COBLL1: variants seen among roughly 807,000 people sequenced by gnomAD.
The protein encoded by COBLL1 is cordon-bleu WH2 repeat protein like 1, also known as cordon-bleu protein-like 1.
A neutral mutation model predicts 94.8 loss-of-function variants in COBLL1; 50 were observed. The observed-to-expected ratio is 0.53, with a 90% CI of 0.42 to 0.67. The LOEUF is 0.67. Among genes scored for constraint, COBLL1 ranks in the 30% least tolerant of loss-of-function variants. The pLI is 0.00. For synonymous variants in COBLL1, 448 were observed against 473.8 expected, an observed-to-expected ratio of 0.95 and a Z score of 0.71; for missense variants, 1,362 against 1,348.7, an observed-to-expected ratio of 1.01 and a Z score of -0.15.
chr2:164,803,355 G>A (rs545442979), intron 2 of COBLL1, among the ~76,000 whole-genome samples: 493 of 151,806 alleles, frequency 3.2e-3, no homozygotes, highest in Non-Finnish European at 5.6e-3. Flanking sequence ...CACGAGGTCA[G>A]GAGATCGAGA....
At chr2:164,830,451 CTAAA>C (rs992524565) in intron 2 of COBLL1, among the ~76,000 whole-genome samples, 19 of 152,094 alleles carry the variant, frequency 1.2e-4, no homozygotes, top group African/African-American at 4.3e-4. Flanking sequence ...CCTTAGTGTA[CTAAA>C]TGATACACAA....
intron 7 of COBLL1, among the ~76,000 whole-genome samples, chr2:164,718,992 C>A (rs1685313641): frequency 6.6e-6 from 1 of 151,688 alleles, no homozygotes; most frequent in East Asian, 1.9e-4. Flanking sequence ...AGAAAAATGA[C>A]AACAAGCTAT....
Position 164,841,423 on chromosome 2 carries a change from T to G in COBLL1, c.-50-177A>C. On this transcript the variant is annotated intron_variant, in intron 1 of 13. Transcript: ENST00000652658. The surrounding 1 kb of genome is among the most constrained non-coding windows in gnomAD (Gnocchi z 5.5). ...AGCCCGCGGGCGCCGCCGCCGTCTC[T>G]ACAAGGTCTAGCGGGCGCCCAGAGC... 3 of 1,154,104 alleles carry G rather than the reference T, an allele frequency of 2.6e-6. No individual in the cohort carries two copies. The highest frequency in any genetic ancestry group is 2.1e-6 in the Non-Finnish European group (2 of 938,980). The allele number at this position is 1,154,104 out of a possible 1,614,324, so 71.5% of individuals were successfully genotyped here.
At chr2:164,774,832 A>T (rs1688384466) in intron 2 of COBLL1, among the ~76,000 whole-genome samples, 1 of 151,504 alleles carries the variant, frequency 6.6e-6, no homozygotes, top group African/African-American at 2.4e-5. Flanking sequence ...AAATTTGCTA[A>T]GAGTAGTTTT....
At chr2:164,786,232 T>G (rs578050766) in intron 2 of COBLL1, among the ~76,000 whole-genome samples, 3 of 152,294 alleles carry the variant, frequency 2.0e-5, no homozygotes, top group Admixed American at 2.0e-4. Context: ...ACACAGTACT[T>G]TGATACATGT....
intron 2 of COBLL1, among the ~76,000 whole-genome samples, chr2:164,802,823 AC>A (rs1683879266): frequency 6.6e-6 from 1 of 152,148 alleles, no homozygotes; most frequent in Non-Finnish European, 1.5e-5. Context: ...TTAAACTAAA[AC>A]TCATGCTTAA....
chr2:164,767,134 A>G (rs996847408), intron 2 of COBLL1, among the ~76,000 whole-genome samples: 1 of 152,212 alleles, frequency 6.6e-6, no homozygotes, highest in Non-Finnish European at 1.5e-5. Context: ...ACAGAGAGGG[A>G]TGGAATTCTA....
At chr2:164,800,150 C>A (rs888516712) in intron 2 of COBLL1, among the ~76,000 whole-genome samples, 1 of 152,104 alleles carries the variant, frequency 6.6e-6, no homozygotes, top group Non-Finnish European at 1.5e-5. Flanking sequence ...AAGCAACAGT[C>A]TAGGAGAAAA....
In COBLL1 at chr2:164,721,350, C is replaced by A. The variant is rs539866666; in HGVS notation, c.996+725G>T. ...CTTCAATCATATATACCTAAAAATT[C>A]ATTTATTTTTCACATGGATAAAGCA... On this transcript the variant is annotated intron_variant, in intron 7 of 13. Transcript: ENST00000652658. Among the ~76,000 whole-genome samples the A allele has an allele frequency of 2.0e-5, 3 of 152,196 alleles. No homozygotes were observed. In the East Asian group the frequency reaches 5.8e-4, roughly 29 times the overall value.
chr2:164,692,372 T>C lies in COBLL1; in HGVS notation c.3149A>G (p.Gln1050Arg), dbSNP rs1683661989. The C allele has an allele frequency of 3.1e-6, 5 of 1,611,268 alleles. No individual in the cohort carries two copies. Among genetic ancestry groups the C allele is most frequent in the Non-Finnish European group, 4.2e-6 (5 of 1,178,894 alleles). ...DKENNSAHNEQNSQIPTPTDG... is the reference protein window; with the variant it reads ...DKENNSAHNERNSQIPTPTDG... ...AGTTGGAGTTGGTATTTGGGAATTC[T>C]GTTCATTATGTGCAGAGTTATTTTC... Residue 1050 changes from glutamine to arginine, a missense_variant, in exon 13 of 14, where the codon CAG (glutamine) becomes CGG (arginine). Coordinates refer to ENST00000652658, the MANE Select transcript of COBLL1 (RefSeq NM_001365672.2).
In COBLL1 at chr2:164,687,263, G is replaced by A. The variant is rs192302603; in HGVS notation, c.3301-1231C>T. 52 of 531,934 alleles carry A rather than the reference G, an allele frequency of 9.8e-5. No individual in the cohort carries two copies. In the East Asian group the frequency reaches 1.3e-3, roughly 13 times the overall value. The allele number at this position is 531,934 out of a possible 1,614,324, so 33.0% of individuals were successfully genotyped here. A position where few individuals can be genotyped will look rare whatever the true frequency, so the allele number is the denominator to read the frequency against. The stretch of plus-strand genomic sequence containing the variant: ...TAGAATTTATTGGTTAGTATTAAGA[G>A]GGGAAGCACAGTGAAAGCCCTCATG... On this transcript the variant is annotated intron_variant, in intron 13 of 13. Transcript: ENST00000652658.
chr2:164,675,766 C>A (rs1439811506), downstream of COBLL1, among the ~76,000 whole-genome samples: 1 of 152,120 alleles, frequency 6.6e-6, no homozygotes, highest in Non-Finnish European at 1.5e-5. Context: ...TTCTTTTCTT[C>A]CACAATGACA....
intron 2 of COBLL1, among the ~76,000 whole-genome samples, chr2:164,660,676 G>A (rs534883423): frequency 2.8e-4 from 43 of 152,242 alleles, no homozygotes; most frequent in African/African-American, 9.6e-4. Context: ...CTAATTGGTT[G>A]TTGACTCATT....
At chr2:164,834,253 T>C (rs1683219504) in intron 2 of COBLL1, among the ~76,000 whole-genome samples, 1 of 152,240 alleles carries the variant, frequency 6.6e-6, no homozygotes, top group Non-Finnish European at 1.5e-5. Flanking sequence ...CTACCTTTGG[T>C]CCATTTCCTC....
At chr2:164,740,834 T>A (rs998737533) in intron 3 of COBLL1, among the ~76,000 whole-genome samples, 3 of 152,154 alleles carry the variant, frequency 2.0e-5, no homozygotes, top group South Asian at 2.1e-4. Context: ...ATAAAATATG[T>A]CACCTGAGCT....
intron 2 of COBLL1, 60 bp from the exon 3 acceptor site, chr2:164,743,935 A>C: frequency 8.3e-7 from 1 of 1,206,924 alleles, no homozygotes; most frequent in Non-Finnish European, 1.1e-6. Context: ...TAACTTTTTA[A>C]TATGATGTAT....
chr2:164,698,033 C>T (rs1684043777), intron 11 of COBLL1: 2 of 152,004 alleles, frequency 1.3e-5, no homozygotes, highest in Admixed American at 6.6e-5. Context: ...CTTTAAAAAA[C>T]AACTAGAGTT....
At chr2:164,658,303 C>T (rs1001905879) in intron 2 of COBLL1, among the ~76,000 whole-genome samples, 1 of 152,148 alleles carries the variant, frequency 6.6e-6, no homozygotes, top group Non-Finnish European at 1.5e-5. Flanking sequence ...CCGAAGACCG[C>T]TCTAACTGCT....
intron 7 of COBLL1, 56 bp from the exon 8 acceptor site, chr2:164,705,161 T>C: frequency 1.4e-6 from 2 of 1,385,548 alleles, no homozygotes; most frequent in Non-Finnish European, 9.6e-7. Flanking sequence ...TAGCAAACTT[T>C]AGGAAGACAC....
Sources: gnomAD v4.1 joint callset for allele counts (sites outside exome capture counted in the v4.1 genomes callset) on GRCh38, gnomAD v4.1.1 for gene constraint, Gnocchi (gnomAD v3.1) non-coding constraint, MANE v1.5 for transcripts, NCBI Gene and HGNC (gene_info 2026-07-23, HGNC 2026-07-21) for gene names.